PHACTR1: variants seen among roughly 807,000 people sequenced by gnomAD.
The protein encoded by PHACTR1 is RPEL repeat containing 1.
PHACTR1 carries 16 observed loss-of-function variants against 69.2 expected under a neutral mutation model. The observed-to-expected ratio is 0.23, with a 90% confidence interval of 0.16 to 0.35. The LOEUF (loss-of-function observed/expected upper bound fraction) is 0.35. PHACTR1 is among the 10% of genes least tolerant of loss of function. The probability of loss-of-function intolerance (pLI) is 1.00; values close to 1 mark genes in which losing one functional copy is unlikely to be tolerated. For synonymous variants in PHACTR1, 312 were observed against 284.5 expected (o/e 1.10, Z -0.97); for missense variants, 510 against 734.7 (o/e 0.69, Z 3.54).
chr6:13,273,719 A>C (rs1325147379), intron 11 of PHACTR1: 1 of 152,208 alleles, frequency 6.6e-6, no homozygotes, highest in South Asian at 2.1e-4. Context: ...CTATTCATTC[A>C]TTGCTACCAT....
At chr6:13,182,819 A>G (rs1161561180) in intron 7 of PHACTR1, 133 bp downstream of exon 7, 2 of 841,668 alleles carry the variant, frequency 2.4e-6, no homozygotes, top group East Asian at 2.8e-5. Flanking sequence ...AATTTAGTGA[A>G]ACAGATTAGT....
intron 8 of PHACTR1, among the ~76,000 whole-genome samples, chr6:13,227,011 C>T (rs923186556): frequency 4.6e-5 from 7 of 152,198 alleles, no homozygotes; most frequent in African/African-American, 1.4e-4. Context: ...GCTGAGATTA[C>T]AGGCATGAGC....
rs5874397 is a variant in PHACTR1 at position 13,017,185 on chromosome 6, C to CAAAA, written c.251-36160_251-36157dup. 9.1e-5 allele frequency among the ~76,000 whole-genome samples: 7 copies of CAAAA among 77,204 alleles called. 1 individual carries two copies. The highest frequency in any genetic ancestry group is 7.6e-4 in the East Asian group (2 of 2,640). 50.6% of individuals were successfully genotyped at this position (77,204 alleles called of 152,430 possible). On this transcript the variant is annotated intron_variant, in intron 4 of 14. Transcript: ENST00000332995. Reference sequence around the variant, plus strand: ...TGGGTGAAGAAGTGAGACTCTGTCTCAAAAAAAAAAAAAAAAAAAAAAATG... The same window carrying CAAAA: ...TGGGTGAAGAAGTGAGACTCTGTCTCAAAAAAAAAAAAAAAAAAAAAAAAAAATG...
At chr6:13,184,817 C>T (rs1170546297) in intron 7 of PHACTR1, 1 of 1,366,624 alleles carries the variant, frequency 7.3e-7, no homozygotes, top group South Asian at 1.1e-5. Flanking sequence ...GAGAGTCCCT[C>T]TGCCAGTGAG....
chr6:12,935,255 T>C (rs1334646172), intron 4 of PHACTR1, among the ~76,000 whole-genome samples: 2 of 152,186 alleles, frequency 1.3e-5, no homozygotes, highest in African/African-American at 4.8e-5. Flanking sequence ...TTTATTTTTA[T>C]TTTTTTAAGA....
intron 10 of PHACTR1, among the ~76,000 whole-genome samples, chr6:13,271,015 CTT>C (rs142906501): frequency 2.9e-5 from 4 of 138,902 alleles, no homozygotes; most frequent in Non-Finnish European, 1.6e-5. Flanking sequence ...TTTTTTTTTT[CTT>C]TTTTTTTTTT....
chr6:13,051,640 A>C (rs1229911298), intron 4 of PHACTR1, among the ~76,000 whole-genome samples: 3 of 152,182 alleles, frequency 2.0e-5, no homozygotes, highest in Non-Finnish European at 4.4e-5. Context: ...CCAGGAGAAC[A>C]GCCCCTTCTC....
intron 3 of PHACTR1, among the ~76,000 whole-genome samples, chr6:12,728,024 T>A (rs1763015924): frequency 6.6e-6 from 1 of 151,264 alleles, no homozygotes; most frequent in Admixed American, 6.6e-5. Context: ...GGAAAAAAAA[T>A]GAGAGGGCCA....
rs559766698 is a variant in PHACTR1, at chr6:12,792,321, G to T, written c.250+42531G>T. 1.9e-3 allele frequency among the ~76,000 whole-genome samples: 289 copies of T among 151,634 alleles called. 2 individuals are homozygous for T. Among genetic ancestry groups the T allele is most frequent in the African/African-American group, 6.8e-3 (280 of 41,366 alleles). On this transcript the variant is annotated intron_variant, in intron 4 of 14. Coordinates refer to ENST00000332995, the MANE Select transcript of PHACTR1 (RefSeq NM_030948.6). ...CTCTACCAAAAATACAAAATTAGCCGGGCGTGGTGGTACATGCCTGTAATC... is the reference window on the plus strand; with the variant it reads ...CTCTACCAAAAATACAAAATTAGCCTGGCGTGGTGGTACATGCCTGTAATC...
intron 8 of PHACTR1, among the ~76,000 whole-genome samples, chr6:13,214,737 G>A (rs1767412347): frequency 6.6e-6 from 1 of 152,306 alleles, no homozygotes; most frequent in South Asian, 2.1e-4. Context: ...GTTCACATGG[G>A]AAGAATAATT....
chr6:13,021,375 A>C (rs533266108), intron 4 of PHACTR1, among the ~76,000 whole-genome samples: 6 of 152,322 alleles, frequency 3.9e-5, no homozygotes, highest in African/African-American at 1.4e-4. Flanking sequence ...TTTATGGCTG[A>C]GTAATATTTC....
chr6:12,799,084 T>A (rs1773416590), intron 4 of PHACTR1, among the ~76,000 whole-genome samples: 1 of 152,246 alleles, frequency 6.6e-6, no homozygotes, highest in Non-Finnish European at 1.5e-5. Context: ...AAGTGACAAC[T>A]TCTAAATGTC....
At chr6:13,006,620 T>A (rs1009541168) in intron 4 of PHACTR1, among the ~76,000 whole-genome samples, 14 of 151,976 alleles carry the variant, frequency 9.2e-5, no homozygotes, top group African/African-American at 3.4e-4. Flanking sequence ...TTAAATAAGG[T>A]GATACATACA....
intron 4 of PHACTR1, among the ~76,000 whole-genome samples, chr6:12,901,544 G>T (rs559515407): frequency 1.3e-5 from 2 of 152,266 alleles, no homozygotes; most frequent in African/African-American, 4.8e-5. Flanking sequence ...GCCCAGGCTG[G>T]AGTGCAATGG....
Position 13,247,545 on chromosome 6 carries a change from C to T in PHACTR1, c.1391+17352C>T, listed in dbSNP as rs141167738. Among the ~76,000 whole-genome samples the T allele has an allele frequency of 5.8e-4, 89 of 152,232 alleles. 1 individual carries two copies. The highest frequency in any genetic ancestry group is 2.0e-3 in the African/African-American group (84 of 41,526). On this transcript the variant is annotated intron_variant, in intron 10 of 14. Coordinates refer to ENST00000332995, the MANE Select transcript of PHACTR1 (RefSeq NM_030948.6). The stretch of plus-strand genomic sequence containing the variant: ...ATTTTTAGTAGACACGGGGTTTTAC[C>T]ACATTGGCCAGGCTGATCTCGAACT...
At chr6:12,976,997 G>C (rs1265695580) in intron 4 of PHACTR1, among the ~76,000 whole-genome samples, 3 of 152,124 alleles carry the variant, frequency 2.0e-5, no homozygotes, top group Non-Finnish European at 4.4e-5. Flanking sequence ...ACAGAGTCTC[G>C]CTCTGTTGCT....
rs1465118522 is a variant in PHACTR1, at chr6:13,287,200, AAAGAAGAAAAATC to A, written c.*126_*138del. 2.0e-6 allele frequency: 2 copies of A among 1,015,264 alleles called. No individual in the cohort carries two copies. Among genetic ancestry groups the A allele is most frequent in the Non-Finnish European group, 2.8e-6 (2 of 702,986 alleles). The allele number at this position is 1,015,264 out of a possible 1,614,324, so 62.9% of individuals were successfully genotyped here. On this transcript the variant is annotated 3_prime_UTR_variant, in exon 15 of 15. Transcript: ENST00000332995. ...ATCTTCTGAACTGCCTTTTTTTTAA[AAAGAAGAAAAATC>A]AAGGAAACACAATCAGGATTTTATG...
chr6:12,736,440 A>G (rs1487831174), intron 3 of PHACTR1, among the ~76,000 whole-genome samples: 1 of 152,152 alleles, frequency 6.6e-6, no homozygotes, highest in African/African-American at 2.4e-5. Flanking sequence ...ACTATAATAT[A>G]CCAGAATCAA....
chr6:13,133,853 C>T (rs561608864), intron 5 of PHACTR1, among the ~76,000 whole-genome samples: 2 of 149,688 alleles, frequency 1.3e-5, no homozygotes, highest in African/African-American at 5.0e-5. Context: ...AAGTGAGGAG[C>T]GCCTCTTCCC....
Sources: allele counts gnomAD v4.1 joint callset (sites outside exome capture counted in the v4.1 genomes callset), GRCh38; gene constraint gnomAD v4.1.1; transcripts MANE v1.5; gene names NCBI Gene and HGNC (gene_info 2026-07-23, HGNC 2026-07-21).